ZNF552: variants seen among roughly 807,000 people sequenced by gnomAD.
The protein encoded by ZNF552 is zinc finger protein 552.
Under a neutral mutation model 7.2 loss-of-function variants are expected in ZNF552, and 2 were observed. That is an observed-to-expected ratio of 0.28 (90% CI 0.11 to 0.88). The LOEUF (loss-of-function observed/expected upper bound fraction) is 0.88, where lower values mean the gene tolerates loss of function less well. Ranked by LOEUF, ZNF552 falls within the 40% of genes least tolerant of loss-of-function variation. ZNF552 has a pLI of 0.60. For missense variants in ZNF552, 421 were observed against 493.4 expected (o/e 0.85, Z 1.39); for synonymous variants, 173 against 176.5 (o/e 0.98, Z 0.16).
Position 57,808,455 on chromosome 19 carries a change from C to T in ZNF552, c.809G>A (p.Cys270Tyr), listed in dbSNP as rs768781021. Residue 270 changes from cysteine (C) to tyrosine (Y), a missense_variant, in exon 3 of 3, where the codon TGT becomes TAT. Coordinates refer to ENST00000391701, the MANE Select transcript of ZNF552 (RefSeq NM_024762.3). Reference sequence around the variant, plus strand: ...GTTAAATAATTTCCCACATATCCCACACGTATAAGGTTTTTCTCTAGTGTG... The same window carrying T: ...GTTAAATAATTTCCCACATATCCCATACGTATAAGGTTTTTCTCTAGTGTG... Reference protein sequence around the residue: ...GVHTREKPYTCGICGKLFNSK... With the variant: ...GVHTREKPYTYGICGKLFNSK... The T allele has an allele frequency of 2.5e-6, 4 of 1,613,876 alleles. No individual in the cohort carries two copies. The highest frequency in any genetic ancestry group is 3.4e-6 in the Non-Finnish European group (4 of 1,179,886).
At chr19:57,810,657 A>C (rs1007272513) in intron 2 of ZNF552, among the ~76,000 whole-genome samples, 7 of 152,132 alleles carry the variant, frequency 4.6e-5, no homozygotes, top group African/African-American at 1.7e-4. Context: ...GTTTCTCCCC[A>C]TGTGATAGCC....
intron 2 of ZNF552, among the ~76,000 whole-genome samples, chr19:57,811,375 C>T (rs1449333690): frequency 2.0e-5 from 3 of 152,034 alleles, no homozygotes; most frequent in Non-Finnish European, 2.9e-5. Flanking sequence ...AGGGTTTCAC[C>T]GTGGTCTCAA....
Position 57,814,866 on chromosome 19 carries a change from A to G in ZNF552, c.-123T>C. On this transcript the variant is annotated 5_prime_UTR_variant, in exon 1 of 3. Coordinates refer to ENST00000391701, the MANE Select transcript of ZNF552 (RefSeq NM_024762.3). ...GGATCCAGTCACCACCACGGTCCCA[A>G]CACAGCGCTCCAAGGACTCCCTAAC... The G allele has an allele frequency of 9.6e-7, 1 of 1,044,386 alleles. No homozygotes were observed. Among genetic ancestry groups the G allele is most frequent in the Non-Finnish European group, 1.4e-6 (1 of 728,398 alleles). 64.7% of individuals were successfully genotyped at this position (1,044,386 alleles called of 1,614,324 possible).
At position 57,808,644 on chromosome 19, in the gene ZNF552, C is replaced by G. The variant is rs751516243; in HGVS notation, c.620G>C (p.Gly207Ala). ...SKTECVSLFH[G>A]GKSHYSCGGC... ...TCCACAGCTGTAATGGCTTTTTCCC[C>G]CATGAAACAGAGACACACACTCAGT... Residue 207 changes from glycine (G) to alanine (A), a missense_variant, in exon 3 of 3, where the codon GGG (glycine) becomes GCG (alanine). Physicochemically the swap from Gly to Ala is moderately conservative, Grantham distance 60. Coordinates refer to ENST00000391701, the MANE Select transcript of ZNF552 (RefSeq NM_024762.3). 2 of 1,614,176 alleles carry G rather than the reference C, an allele frequency of 1.2e-6. No homozygotes were observed. Among genetic ancestry groups the G allele is most frequent in the African/African-American group, 1.3e-5 (1 of 75,028 alleles).
Position 57,813,622 on chromosome 19 carries a change from TAA to T in ZNF552, c.34-204_34-203del, listed in dbSNP as rs1217221360. Among the ~76,000 whole-genome samples, 14 of 151,676 alleles carry T rather than the reference TAA, an allele frequency of 9.2e-5. 1 individual carries two copies. Among genetic ancestry groups the T allele is most frequent in the South Asian group, 6.2e-4 (3 of 4,812 alleles). The stretch of plus-strand genomic sequence containing the variant: ...AGGTATCTGTGCGGTGGCTGTGATA[TAA>T]GAGTCCACCCCCTCCTGACAGGCAC... On this transcript the variant is annotated intron_variant, in intron 1 of 2. Coordinates refer to ENST00000391701, the MANE Select transcript of ZNF552 (RefSeq NM_024762.3).
intron 1 of ZNF552, 150 bp downstream of exon 1, chr19:57,814,561 G>C (rs1027252808): frequency 6.5e-7 from 1 of 1,549,986 alleles, no homozygotes; most frequent in Non-Finnish European, 8.7e-7. Context: ...CATCCCACGG[G>C]TGTCTGAAAC....
chr19:57,814,867 C>T lies in ZNF552; in HGVS notation c.-124G>A. On this transcript the variant is annotated 5_prime_UTR_variant, in exon 1 of 3. Coordinates refer to ENST00000391701, the MANE Select transcript of ZNF552 (RefSeq NM_024762.3). ...GATCCAGTCACCACCACGGTCCCAA[C>T]ACAGCGCTCCAAGGACTCCCTAACG... is the stretch of plus-strand genomic sequence containing the variant. 9.7e-7 allele frequency: 1 copy of T among 1,027,290 alleles called. No individual in the cohort carries two copies. The highest frequency in any genetic ancestry group is 1.6e-5 in the African/African-American group (1 of 61,850). 63.6% of individuals were successfully genotyped at this position (1,027,290 alleles called of 1,614,324 possible). A position where few individuals can be genotyped will look rare whatever the true frequency, so the allele number is the denominator to read the frequency against.
At chr19:57,811,002 A>T (rs1224142591) in intron 2 of ZNF552, among the ~76,000 whole-genome samples, 1 of 152,118 alleles carries the variant, frequency 6.6e-6, no homozygotes, top group Non-Finnish European at 1.5e-5. Context: ...ATTTGTTCAC[A>T]TGTTTTCCTG....
Position 57,814,813 on chromosome 19 carries a change from CAA to C in ZNF552, c.-72_-71del, listed in dbSNP as rs1300528432. 1 of 1,187,800 alleles carries C rather than the reference CAA, an allele frequency of 8.4e-7. No individual in the cohort carries two copies. The highest frequency in any genetic ancestry group is 1.2e-6 in the Non-Finnish European group (1 of 831,538). 73.6% of individuals were successfully genotyped at this position (1,187,800 alleles called of 1,614,324 possible). A position where few individuals can be genotyped will look rare whatever the true frequency, so the allele number is the denominator to read the frequency against. Reference sequence around the variant, plus strand: ...AAAGAGCTGCAGAGTCACGTCTGTGCAAAGAGAAGAACGACTCTCGACCTCCT... The same window carrying C: ...AAAGAGCTGCAGAGTCACGTCTGTGCAGAGAAGAACGACTCTCGACCTCCT... On this transcript the variant is annotated 5_prime_UTR_variant, in exon 1 of 3. Coordinates refer to ENST00000391701, the MANE Select transcript of ZNF552 (RefSeq NM_024762.3).
At chr19:57,810,379 A>G (rs956013947) in intron 2 of ZNF552, among the ~76,000 whole-genome samples, 1 of 152,212 alleles carries the variant, frequency 6.6e-6, no homozygotes, top group Non-Finnish European at 1.5e-5. Context: ...TGTAGAAAGA[A>G]GCAGACATAA....
chr19:57,813,340 C>T lies in ZNF552; in HGVS notation c.114G>A (p.Leu38=), dbSNP rs552486496. The change falls in exon 2 of 3, where the codon CTG becomes CTA. Residue 38 remains leucine, a synonymous_variant. Coordinates refer to ENST00000391701, the MANE Select transcript of ZNF552 (RefSeq NM_024762.3). ...GGTTCTCCAGCGTCACATCACGGTA[C>T]AGGCATCTCTGAGCCTCACTAAGGA... ...WNLLSEAQRC[L]YRDVTLENLA... 85 of 1,614,156 alleles carry T rather than the reference C, an allele frequency of 5.3e-5. No individual in the cohort carries two copies. In the East Asian group the frequency reaches 1.5e-3, roughly 28 times the overall value.
chr19:57,814,642 G>C, intron 1 of ZNF552, 69 bp downstream of exon 1: 1 of 1,612,760 alleles, frequency 6.2e-7, no homozygotes, highest in Admixed American at 1.7e-5. Context: ...AACAGGTGCC[G>C]CTCCCTCGCT....
rs889628915 is a variant in ZNF552 at position 57,814,840 on chromosome 19, T to C, written c.-97A>G. On this transcript the variant is annotated 5_prime_UTR_variant, in exon 1 of 3. Coordinates refer to ENST00000391701, the MANE Select transcript of ZNF552 (RefSeq NM_024762.3). ...AAGAGAAGAACGACTCTCGACCTCC[T>C]GGATCCAGTCACCACCACGGTCCCA... 7.8e-7 allele frequency: 1 copy of C among 1,278,846 alleles called. No individual in the cohort carries two copies. Among genetic ancestry groups the C allele is most frequent in the Non-Finnish European group, 1.1e-6 (1 of 921,482 alleles). The allele number at this position is 1,278,846 out of a possible 1,614,324, so 79.2% of individuals were successfully genotyped here.
At chr19:57,811,517 A>C (rs1377509745) in intron 2 of ZNF552, among the ~76,000 whole-genome samples, 1 of 151,850 alleles carries the variant, frequency 6.6e-6, no homozygotes, top group East Asian at 1.9e-4. Flanking sequence ...CAAGTCTCTC[A>C]TTCCACCTGA....
At position 57,808,195 on chromosome 19, in the gene ZNF552, A is replaced by G. The variant is rs779893073; in HGVS notation, c.1069T>C (p.Cys357Arg). ...GAGCTTTCGGCAAAAGATTTCCCAC[A>G]TTCACTGCACTCATAAGGCTTCTGA... ...TGQKPYECSE[C>R]GKSFAESSSL... is the part of the protein sequence containing the mutation. The change falls in exon 3 of 3, where the codon TGT (cysteine) becomes CGT (arginine). Residue 357 changes from cysteine (C) to arginine (R), a missense_variant. This residue lies in a region of ZNF552 where 299 missense variants were observed against 293.7 expected (regional missense o/e 1.02). Transcript: ENST00000391701. 27 of 1,614,060 alleles carry G rather than the reference A, an allele frequency of 1.7e-5. No homozygotes were observed. In the South Asian group the frequency reaches 2.4e-4, roughly 14 times the overall value.
Position 57,807,450 on chromosome 19 carries a change from G to A in ZNF552, c.*590C>T, listed in dbSNP as rs1042184282. 1 of 152,148 alleles carries A rather than the reference G, an allele frequency of 6.6e-6. No individual in the cohort carries two copies. Among genetic ancestry groups the A allele is most frequent in the African/African-American group, 2.4e-5 (1 of 41,368 alleles). The allele number at this position is 152,148 out of a possible 1,614,324, so 9.4% of individuals were successfully genotyped here. ...GTTGCCTGTAGTCCCAGCTATTAGGGAGGCTGAGGCAGGAGAATGGCATGA... is the reference window on the plus strand; with the variant it reads ...GTTGCCTGTAGTCCCAGCTATTAGGAAGGCTGAGGCAGGAGAATGGCATGA... On this transcript the variant is annotated 3_prime_UTR_variant, in exon 3 of 3. Transcript: ENST00000391701.
In ZNF552 at chr19:57,808,088, G is replaced by A; in HGVS notation, c.1176C>T (p.Ile392=). 1.2e-6 allele frequency: 2 copies of A among 1,614,068 alleles called. No homozygotes were observed. The highest frequency in any genetic ancestry group is 1.7e-6 in the Non-Finnish European group (2 of 1,179,996). Residue 392 remains isoleucine (I), a synonymous_variant, in exon 3 of 3, where the codon ATC becomes ATT. Transcript: ENST00000391701. ...CSECEKKFRQ[I]SSLRHHQRVH... is the part of the protein sequence containing the mutation. ...CTCTCTGATGATGACGAAGTGAAGA[G>A]ATTTGCCTAAATTTTTTTTCACATT...
Position 57,814,733 on chromosome 19 carries a change from G to A in ZNF552, c.11C>T (p.Ala4Val), listed in dbSNP as rs1192601690. 2 of 1,613,794 alleles carry A rather than the reference G, an allele frequency of 1.2e-6. No homozygotes were observed. The highest frequency in any genetic ancestry group is 1.7e-6 in the Non-Finnish European group (2 of 1,179,988). ...TACCTGAACGGGGAACCTTAGCGCG[G>A]CCGCCGCCATGGGACCACGTGGGGT... The part of the protein sequence containing the change: MAA[A>V]ALRFPVQGTV... Residue 4 changes from alanine (A) to valine (V), a missense_variant, in exon 1 of 3, where the codon GCC becomes GTC. This residue lies in a region of ZNF552 where 122 missense variants were observed against 199.7 expected (regional missense o/e 0.61). Transcript: ENST00000391701.
At position 57,807,887 on chromosome 19, in the gene ZNF552, T is replaced by A; in HGVS notation, c.*153A>T. The A allele has an allele frequency of 9.1e-7, 1 of 1,102,562 alleles. No homozygotes were observed. The allele number at this position is 1,102,562 out of a possible 1,614,324, so 68.3% of individuals were successfully genotyped here. On this transcript the variant is annotated 3_prime_UTR_variant, in exon 3 of 3. Coordinates refer to ENST00000391701, the MANE Select transcript of ZNF552 (RefSeq NM_024762.3). ...GGTGTGGCTACAAAACTGCCCAAAT[T>A]TATTTTACTTGTAAGGACTCTTCTC...
Sources: gnomAD v4.1 joint callset for allele counts (sites outside exome capture counted in the v4.1 genomes callset) on GRCh38, gnomAD v4.1.1 for gene constraint, gnomAD v4.1.1 regional missense constraint, MANE v1.5 for transcripts, NCBI Gene and HGNC (gene_info 2026-07-23, HGNC 2026-07-21) for gene names.